USP42: variants seen among roughly 807,000 people sequenced by gnomAD.
USP42 encodes the protein ubiquitin carboxyl-terminal hydrolase 42.
USP42 carries 23 observed loss-of-function variants against 113.0 expected under a neutral mutation model. That is an observed-to-expected ratio of 0.20 (90% confidence interval 0.15 to 0.29). The LOEUF (loss-of-function observed/expected upper bound fraction) is 0.29, where lower values mean the gene tolerates loss of function less well. Ranked by LOEUF, USP42 falls within the 10% of genes least tolerant of loss-of-function variation. USP42 has a pLI of 1.00. For synonymous variants in USP42, 933 were observed against 699.0 expected (o/e 1.33, Z -5.28); for missense variants, 2,174 against 1,779.8 (o/e 1.22, Z -3.99).
chr7:6,086,233 T>C, the USP42 span, among the ~76,000 whole-genome samples: 3 of 129,730 alleles, frequency 2.3e-5, no homozygotes, highest in South Asian at 4.8e-4. Flanking sequence ...TGAGACAGAG[T>C]CTCGCTCTGT....
Position 6,159,377 on chromosome 7 carries a change from GCACA to G in USP42, c.3944-66_3944-63del, listed in dbSNP as rs1382006321. 1 of 1,602,008 alleles carries G rather than the reference GCACA, an allele frequency of 6.2e-7. No homozygotes were observed. The highest frequency in any genetic ancestry group is 1.3e-5 in the African/African-American group (1 of 74,668). On this transcript the variant is annotated intron_variant, in intron 16 of 17. Coordinates refer to ENST00000306177, the MANE Select transcript of USP42 (RefSeq NM_032172.3). This position sits in a 1 kb window ranked among gnomAD's most constrained non-coding sequence, Gnocchi z 4.1. The stretch of plus-strand genomic sequence containing the variant: ...GTGACTCTGACCATAGCCACTTAAC[GCACA>G]CACACAGCAGAGGCCCTGGCGATTT...
In USP42 at chr7:6,147,908, G is replaced by A; in HGVS notation, c.1386+16G>A. 2.5e-6 allele frequency: 4 copies of A among 1,571,888 alleles called. No homozygotes were observed. The highest frequency in any genetic ancestry group is 3.5e-6 in the Non-Finnish European group (4 of 1,154,180). ...CATGATAAAGGTAACAGTCCTTAGGGAGAAGAACATTTTTATGTTAATTTT... is the reference window on the plus strand; with the variant it reads ...CATGATAAAGGTAACAGTCCTTAGGAAGAAGAACATTTTTATGTTAATTTT... On this transcript the variant is annotated intron_variant, in intron 12 of 17. Coordinates refer to ENST00000306177, the MANE Select transcript of USP42 (RefSeq NM_032172.3).
chr7:6,092,050 C>CT, the USP42 span, among the ~76,000 whole-genome samples: 4 of 73,430 alleles, frequency 5.4e-5, no homozygotes, highest in Admixed American at 1.6e-4. Context: ...TCTTCTTCTT[C>CT]TTCTTTCTTC....
In USP42 at chr7:6,158,579, C is replaced by G. The variant is rs1402845550; in HGVS notation, c.3944-871C>G. On this transcript the variant is annotated intron_variant, in intron 16 of 17. Coordinates refer to ENST00000306177, the MANE Select transcript of USP42 (RefSeq NM_032172.3). The surrounding 1 kb of genome is among the most constrained non-coding windows in gnomAD (Gnocchi z 4.2). ...AGAGAGCTGGGGGTTGCGGGGTGAGCCCCATGGGGGACATTTGCCCATGGA... is the reference window on the plus strand; with the variant it reads ...AGAGAGCTGGGGGTTGCGGGGTGAGGCCCATGGGGGACATTTGCCCATGGA... Among the ~76,000 whole-genome samples the G allele has an allele frequency of 6.6e-6, 1 of 152,210 alleles. No individual in the cohort carries two copies. Among genetic ancestry groups the G allele is most frequent in the Non-Finnish European group, 1.5e-5 (1 of 68,024 alleles).
At position 6,146,184 on chromosome 7, in the gene USP42, A is replaced by G; in HGVS notation, c.1168A>G (p.Ile390Val). Residue 390 changes from isoleucine (I) to valine (V), a missense_variant, in exon 11 of 18, where the codon ATT becomes GTT. Physicochemically the swap from Ile to Val is conservative, Grantham distance 29 (BLOSUM62 3). Transcript: ENST00000306177. ...CCTCTGGTATCAAATGAATGACTCC[A>G]TTGTATCTACCAGTGATATTAGATC... ...NGLWYQMNDS[I>V]VSTSDIRSVL... 2 of 1,604,476 alleles carry G rather than the reference A, an allele frequency of 1.2e-6. No homozygotes were observed. The highest frequency in any genetic ancestry group is 1.3e-5 in the African/African-American group (1 of 74,812).
intron 3 of USP42, among the ~76,000 whole-genome samples, chr7:6,132,089 T>A (rs1309198582): frequency 6.6e-6 from 1 of 152,168 alleles, no homozygotes; most frequent in Non-Finnish European, 1.5e-5. Flanking sequence ...TTCACCACCA[T>A]GCCTGGCTAA....
intron 1 of USP42, among the ~76,000 whole-genome samples, chr7:6,110,373 A>G (rs1267467030): frequency 1.3e-5 from 2 of 152,178 alleles, no homozygotes; most frequent in Non-Finnish European, 2.9e-5. Context: ...ATGTATGTCC[A>G]GCAGTTGATG....
At chr7:6,111,769 A>AGT (rs1554335468) in intron 2 of USP42, 2 of 139,004 alleles carry the variant, frequency 1.4e-5, no homozygotes, top group African/African-American at 5.7e-5. Context: ...AGCCCGGCTA[A>AGT]TTTTTTTTTT....
At position 6,154,933 on chromosome 7, in the gene USP42, C is replaced by G. The variant is rs1318760732; in HGVS notation, c.3379C>G (p.Pro1127Ala). ...CGCAGGCGCGCCCCACGCCCTCGCC[C>G]CGCACCCCGACCGCTTCTCCCACGA... ...PRAGAPHALA[P>A]HPDRFSHDRT... is the part of the protein sequence containing the mutation. The change falls in exon 15 of 18, where the codon CCG (proline) becomes GCG (alanine). Residue 1127 changes from proline (P) to alanine (A), a missense_variant. By Grantham distance (27) the Pro-to-Ala change is conservative. Transcript: ENST00000306177. 5 of 1,551,546 alleles carry G rather than the reference C, an allele frequency of 3.2e-6. No homozygotes were observed. The South Asian group carries it at 3.6e-5, about 11-fold the overall frequency.
intron 14 of USP42, 50 bp from the exon 15 acceptor site, chr7:6,153,706 G>C: frequency 1.4e-6 from 2 of 1,421,098 alleles, no homozygotes; most frequent in Non-Finnish European, 1.8e-6. Context: ...AATGACATGA[G>C]CCTGTCAAGC....
intron 15 of USP42, among the ~76,000 whole-genome samples, chr7:6,155,672 C>T (rs1420872746): frequency 1.3e-5 from 2 of 152,180 alleles, no homozygotes; most frequent in Non-Finnish European, 2.9e-5. Flanking sequence ...GCCTGCCCAG[C>T]GTAGGCATCG....
intron 3 of USP42, among the ~76,000 whole-genome samples, chr7:6,118,657 T>G (rs1341598811): frequency 6.6e-6 from 1 of 152,212 alleles, no homozygotes; most frequent in African/African-American, 2.4e-5. Flanking sequence ...GAGTTAATTT[T>G]TGTTTGTGAT....
intron 12 of USP42, 57 bp from the exon 13 acceptor site, chr7:6,149,526 C>G: frequency 6.5e-7 from 1 of 1,539,932 alleles, no homozygotes; most frequent in Non-Finnish European, 8.7e-7. Flanking sequence ...AAAATGGGTT[C>G]TGTTTGTGTG....
chr7:6,151,439 T>C (rs940736749), intron 14 of USP42, among the ~76,000 whole-genome samples: 1 of 152,148 alleles, frequency 6.6e-6, no homozygotes, highest in Non-Finnish European at 1.5e-5. Context: ...ACTTCTTTTT[T>C]TGTTTGTTTT....
At chr7:6,126,296 T>C (rs1780539890) in intron 3 of USP42, among the ~76,000 whole-genome samples, 1 of 151,920 alleles carries the variant, frequency 6.6e-6, no homozygotes, top group Admixed American at 6.6e-5. Context: ...TTCTTTTTTT[T>C]TTTTTTGAGA....
At position 6,145,690 on chromosome 7, in the gene USP42, A is replaced by G. The variant is rs772486573; in HGVS notation, c.1131+34A>G. On this transcript the variant is annotated intron_variant, in intron 10 of 17. Coordinates refer to ENST00000306177, the MANE Select transcript of USP42 (RefSeq NM_032172.3). ...TGCAGATTTGCTATTAACTATTGTT[A>G]CATACATGCTATAAGACAGCAGTAG... 6.9e-6 allele frequency: 11 copies of G among 1,599,068 alleles called. No homozygotes were observed. The East Asian group carries it at 2.5e-4, about 36-fold the overall frequency.
chr7:6,147,155 A>T (rs899453085), intron 11 of USP42, among the ~76,000 whole-genome samples: 15 of 152,250 alleles, frequency 9.9e-5, no homozygotes, highest in Admixed American at 9.2e-4. Flanking sequence ...GCTGAAGCAC[A>T]GATGATGATC....
At chr7:6,114,031 C>T (rs1262249185) in intron 2 of USP42, among the ~76,000 whole-genome samples, 1 of 152,196 alleles carries the variant, frequency 6.6e-6, no homozygotes, top group Admixed American at 6.5e-5. Flanking sequence ...TGAGCTTCAT[C>T]TTGAGTTCCA....
intron 15 of USP42, 47 bp from the exon 16 acceptor site, chr7:6,156,704 CTGG>C (rs765874988): frequency 6.7e-7 from 1 of 1,488,366 alleles, no homozygotes. Flanking sequence ...GGGTCTGCTG[CTGG>C]TGGTTTTGTG....
Sources: gnomAD v4.1 joint callset for allele counts (sites outside exome capture counted in the v4.1 genomes callset) on GRCh38, gnomAD v4.1.1 for gene constraint, Gnocchi (gnomAD v3.1) non-coding constraint, MANE v1.5 for transcripts, NCBI Gene and HGNC (gene_info 2026-07-23, HGNC 2026-07-21) for gene names.